The following FAT3 variants were observed in gnomAD, a reference collection of about 807,000 sequenced individuals.
FAT3 encodes protocadherin Fat 3.
Under a neutral mutation model 310.2 loss-of-function variants are expected in FAT3, and 95 were observed. The observed-to-expected ratio is 0.31, with a 90% confidence interval of 0.26 to 0.36. The LOEUF is 0.36. Among genes scored for constraint, FAT3 ranks in the 10% least tolerant of loss-of-function variants. The pLI is 1.00. For synonymous variants in FAT3, 2,314 were observed against 2,192.9 expected (o/e 1.06, Z -1.54); for missense variants, 5,408 against 5,715.6 (o/e 0.95, Z 1.74).
At chr11:92,568,498 A>G (rs1014106695) in intron 3 of FAT3, among the ~76,000 whole-genome samples, 1 of 152,174 alleles carries the variant, frequency 6.6e-6, no homozygotes, top group Non-Finnish European at 1.5e-5. Flanking sequence ...CAATGGAAAG[A>G]ACATGAAATT....
intron 3 of FAT3, among the ~76,000 whole-genome samples, chr11:92,661,098 A>G (rs1942764824): frequency 6.6e-6 from 1 of 152,206 alleles, no homozygotes; most frequent in Non-Finnish European, 1.5e-5. Flanking sequence ...AGCAAAATAA[A>G]TGTATTTGGT....
At position 92,764,972 on chromosome 11, in the gene FAT3, T is replaced by C. The variant is rs1283645705; in HGVS notation, c.4078T>C (p.Leu1360=). ...IKKPPPSPIP[L]TFDEPFYNFT... ...GAAACCACCCCCTTCACCTATACCA[T>C]TGACCTTCGATGAGCCGTTTTATAA... Residue 1360 remains leucine, a synonymous_variant, in exon 6 of 28, where the codon TTG becomes CTG. Coordinates refer to ENST00000525166, the MANE Select transcript of FAT3 (RefSeq NM_001367949.2). The C allele has an allele frequency of 1.1e-5, 17 of 1,613,756 alleles. No homozygotes were observed. The highest frequency in any genetic ancestry group is 1.4e-5 in the Non-Finnish European group (16 of 1,179,852).
At chr11:92,694,445 C>T (rs1424164315) in intron 3 of FAT3, among the ~76,000 whole-genome samples, 1 of 152,224 alleles carries the variant, frequency 6.6e-6, no homozygotes, top group Non-Finnish European at 1.5e-5. Flanking sequence ...GGAAGCCTGT[C>T]TCTCTCTGTT....
intron 3 of FAT3, among the ~76,000 whole-genome samples, chr11:92,553,173 C>T (rs610994): frequency 1.5e-3 from 227 of 151,978 alleles, no homozygotes; most frequent in South Asian, 4.6e-3. Flanking sequence ...AATAATGCTG[C>T]GAAAAATTAA....
At chr11:92,473,937 G>C (rs1261525848) in intron 2 of FAT3, among the ~76,000 whole-genome samples, 2 of 152,168 alleles carry the variant, frequency 1.3e-5, no homozygotes, top group South Asian at 4.1e-4. Flanking sequence ...TGTCACTCAA[G>C]GCTCTTTGTC....
At chr11:92,751,636 A>G (rs1051920281) in intron 4 of FAT3, among the ~76,000 whole-genome samples, 1 of 152,194 alleles carries the variant, frequency 6.6e-6, no homozygotes, top group Non-Finnish European at 1.5e-5. Flanking sequence ...GAAAGGTGCC[A>G]AAAGACTGGA....
intron 2 of FAT3, among the ~76,000 whole-genome samples, chr11:92,372,066 C>A (rs1010735001): frequency 6.6e-6 from 1 of 152,148 alleles, no homozygotes; most frequent in Non-Finnish European, 1.5e-5. Flanking sequence ...TATTTTGGAC[C>A]ATTTACCTGG....
Position 92,799,580 on chromosome 11 carries a change from C to T in FAT3, c.6567C>T (p.Pro2189=), listed in dbSNP as rs750842359. 1.9e-6 allele frequency: 3 copies of T among 1,613,658 alleles called. No individual in the cohort carries two copies. The African/African-American group carries it at 4.0e-5, about 22-fold the overall frequency. The change falls in exon 10 of 28, where the codon CCC becomes CCT. Residue 2189 remains proline (P), a synonymous_variant. Transcript: ENST00000525166. ...AAGCAATGCCTGTGTTTGATAAGCC[C>T]TTTTATACAGCATCTGTCAATGAAG... ...VNKAMPVFDK[P]FYTASVNEDI...
intron 13 of FAT3, among the ~76,000 whole-genome samples, chr11:92,830,458 G>A (rs370673333): frequency 1.3e-3 from 191 of 152,268 alleles, no homozygotes; most frequent in African/African-American, 4.2e-3. Flanking sequence ...TTCCTTGATG[G>A]AGTATTCCAG....
intron 4 of FAT3, among the ~76,000 whole-genome samples, chr11:92,731,076 G>A (rs1248588648): frequency 6.6e-6 from 1 of 152,104 alleles, no homozygotes; most frequent in Non-Finnish European, 1.5e-5. Flanking sequence ...CACAATATTT[G>A]TGGTGCTATT....
chr11:92,518,033 T>C (rs7945439), intron 2 of FAT3, among the ~76,000 whole-genome samples: 117 of 152,228 alleles, frequency 7.7e-4, no homozygotes, highest in African/African-American at 2.6e-3. Context: ...GGAGTGTAAA[T>C]TAGTTCAACC....
At chr11:92,337,724 C>G (rs903136802) in intron 1 of FAT3, among the ~76,000 whole-genome samples, 5 of 152,242 alleles carry the variant, frequency 3.3e-5, no homozygotes, top group African/African-American at 1.2e-4. Flanking sequence ...AGCCACCGCA[C>G]TTGACGGAAA....
intron 3 of FAT3, among the ~76,000 whole-genome samples, chr11:92,605,678 T>C (rs2135600150): frequency 6.7e-6 from 1 of 148,466 alleles, no homozygotes; most frequent in East Asian, 2.0e-4. Context: ...CTTACAGATA[T>C]CACAAAATTA....
chr11:92,471,715 T>C (rs1951908322), intron 2 of FAT3, among the ~76,000 whole-genome samples: 1 of 151,988 alleles, frequency 6.6e-6, no homozygotes, highest in Non-Finnish European at 1.5e-5. Flanking sequence ...GAAAGTTTAT[T>C]CTAGCATTCC....
At chr11:92,229,662 G>C (rs2134224380) in intron 1 of FAT3, among the ~76,000 whole-genome samples, 1 of 151,294 alleles carries the variant, frequency 6.6e-6, no homozygotes, top group Middle Eastern at 3.4e-3. Flanking sequence ...CTTCAAGCCA[G>C]TTTCTGGTCT....
intron 2 of FAT3, among the ~76,000 whole-genome samples, chr11:92,512,933 T>TTC (rs1481078601): frequency 1.5e-4 from 14 of 91,164 alleles, no homozygotes; most frequent in Non-Finnish European, 1.9e-4. Flanking sequence ...CCATCCTGGC[T>TTC]AACACGGTGA....
At position 92,790,095 on chromosome 11, in the gene FAT3, T is replaced by C; in HGVS notation, c.4488T>C (p.Thr1496=). 6.2e-7 allele frequency: 1 copy of C among 1,613,854 alleles called. No homozygotes were observed. Among genetic ancestry groups the C allele is most frequent in the Non-Finnish European group, 8.5e-7 (1 of 1,179,762 alleles). ...ATGAGAAGCACAAGCTGAGCTACAC[T>C]GTTCATAGCAGCATCGACTCCATCA... is the stretch of plus-strand genomic sequence containing the variant. ...DRDEKHKLSY[T]VHSSIDSISM... is the part of the protein sequence containing the mutation. Residue 1496 remains threonine (T), a synonymous_variant, in exon 8 of 28, where the codon ACT becomes ACC. Transcript: ENST00000525166.
chr11:92,869,784 A>G (rs1949340796), intron 22 of FAT3, among the ~76,000 whole-genome samples: 1 of 152,238 alleles, frequency 6.6e-6, no homozygotes, highest in Non-Finnish European at 1.5e-5. Context: ...GTTTAAAAAG[A>G]ACAATAAGAC....
chr11:92,490,875 A>C (rs1032604857), intron 2 of FAT3, among the ~76,000 whole-genome samples: 6 of 152,074 alleles, frequency 3.9e-5, no homozygotes, highest in Non-Finnish European at 7.4e-5. Context: ...GAAACCTTAC[A>C]AGATAGCTAA....
Sources: allele counts gnomAD v4.1 joint callset (sites outside exome capture counted in the v4.1 genomes callset), GRCh38; gene constraint gnomAD v4.1.1; transcripts MANE v1.5; gene names NCBI Gene and HGNC (gene_info 2026-07-23, HGNC 2026-07-21).